Variants in RNGTT observed in about 807,000 individuals in gnomAD.
The protein encoded by RNGTT is mRNA-capping enzyme.
A neutral mutation model predicts 79.3 loss-of-function variants in RNGTT; 33 were observed. The observed-to-expected ratio is 0.42, with a 90% CI of 0.32 to 0.56. The LOEUF (loss-of-function observed/expected upper bound fraction) is 0.56. Ranked by LOEUF, RNGTT falls within the 20% of genes least tolerant of loss-of-function variation. The pLI is 0.17. For missense variants in RNGTT, 497 were observed against 739.1 expected (o/e 0.67, Z 3.80); for synonymous variants, 222 against 235.9 (o/e 0.94, Z 0.54).
intron 10 of RNGTT, among the ~76,000 whole-genome samples, chr6:88,847,086 G>A (rs947835211): frequency 6.6e-6 from 1 of 151,972 alleles, no homozygotes; most frequent in Non-Finnish European, 1.5e-5. Flanking sequence ...TTAAAAATGT[G>A]TATACATACA....
intron 13 of RNGTT, among the ~76,000 whole-genome samples, chr6:88,733,480 G>C (rs996558197): frequency 2.0e-5 from 3 of 148,796 alleles, no homozygotes; most frequent in African/African-American, 7.4e-5. Flanking sequence ...AATGTAACTA[G>C]AATACCAAAA....
chr6:88,818,968 T>A (rs565305662), intron 11 of RNGTT, among the ~76,000 whole-genome samples: 5 of 152,224 alleles, frequency 3.3e-5, no homozygotes, highest in African/African-American at 1.2e-4. Context: ...GGTAAAATTA[T>A]ATCCACATCA....
At chr6:88,651,459 T>A (rs922763568) in intron 14 of RNGTT, among the ~76,000 whole-genome samples, 2 of 152,154 alleles carry the variant, frequency 1.3e-5, no homozygotes, top group African/African-American at 4.8e-5. Context: ...CTGCTGGGCA[T>A]ATAATACTCA....
At chr6:88,945,471 G>A (rs1784977787) in intron 1 of RNGTT, among the ~76,000 whole-genome samples, 1 of 152,166 alleles carries the variant, frequency 6.6e-6, no homozygotes, top group Non-Finnish European at 1.5e-5. Context: ...ACTCTTGTTA[G>A]TTTCAATCAC....
chr6:88,903,154 T>C (rs1783531156), intron 6 of RNGTT, among the ~76,000 whole-genome samples: 1 of 152,222 alleles, frequency 6.6e-6, no homozygotes, highest in Non-Finnish European at 1.5e-5. Flanking sequence ...ATCTAATCTT[T>C]ACATGAAATG....
intron 11 of RNGTT, among the ~76,000 whole-genome samples, chr6:88,832,293 T>C (rs766383417): frequency 5.3e-5 from 8 of 152,310 alleles, no homozygotes; most frequent in Middle Eastern, 3.4e-3. Flanking sequence ...GCCACACATC[T>C]ACAACCATCT....
At chr6:88,686,261 T>C (rs539274550) in intron 13 of RNGTT, among the ~76,000 whole-genome samples, 1 of 151,970 alleles carries the variant, frequency 6.6e-6, no homozygotes, top group South Asian at 2.1e-4. Flanking sequence ...TATCAAACAT[T>C]ATTGCAAGAA....
intron 14 of RNGTT, among the ~76,000 whole-genome samples, chr6:88,640,644 C>G (rs1263212564): frequency 6.6e-6 from 1 of 150,844 alleles, no homozygotes; most frequent in Non-Finnish European, 1.5e-5. Flanking sequence ...CAGTAGGCAG[C>G]TGAAGATTCA....
chr6:88,790,520 G>C (rs1779373533), intron 12 of RNGTT, among the ~76,000 whole-genome samples: 1 of 152,104 alleles, frequency 6.6e-6, no homozygotes, highest in African/African-American at 2.4e-5. Context: ...TCTACTCCAA[G>C]AATAGTAAGA....
chr6:88,824,355 T>C (rs1347782675), intron 11 of RNGTT, among the ~76,000 whole-genome samples: 1 of 152,230 alleles, frequency 6.6e-6, no homozygotes, highest in East Asian at 1.9e-4. Flanking sequence ...TAAGTATTTA[T>C]GTATAAAAGA....
chr6:88,763,105 T>G (rs1582430591), intron 13 of RNGTT, among the ~76,000 whole-genome samples: 22 of 127,682 alleles, frequency 1.7e-4, no homozygotes, highest in South Asian at 2.8e-4. Flanking sequence ...TTTTTTTTTT[T>G]TTTTTTTTGT....
At chr6:88,675,701 A>G (rs1387855662) in intron 14 of RNGTT, among the ~76,000 whole-genome samples, 1 of 110,142 alleles carries the variant, frequency 9.1e-6, no homozygotes, top group East Asian at 2.0e-4. Flanking sequence ...CCAATACATG[A>G]AAAGAAAAAA....
rs955784520 is a variant in RNGTT, at chr6:88,635,483, C to T, written c.1507-21088G>A. ...CCCTCAATGCACATATATACAATTG[C>T]CCTTACAGTCAAAATATGACAGATT... On this transcript the variant is annotated intron_variant, in intron 14 of 15. Transcript: ENST00000369485. 4.6e-5 allele frequency among the ~76,000 whole-genome samples: 7 copies of T among 152,096 alleles called. No homozygotes were observed. In the South Asian group the frequency reaches 1.5e-3, roughly 32 times the overall value.
intron 1 of RNGTT, among the ~76,000 whole-genome samples, chr6:88,954,010 A>G (rs1474183879): frequency 2.0e-5 from 3 of 152,204 alleles, no homozygotes; most frequent in African/African-American, 7.2e-5. Context: ...CTCAAAATAC[A>G]CCAAAATAGA....
intron 13 of RNGTT, among the ~76,000 whole-genome samples, chr6:88,756,418 A>G (rs1291426068): frequency 1.3e-5 from 2 of 152,176 alleles, no homozygotes; most frequent in African/African-American, 2.4e-5. Flanking sequence ...GGTTGCAGTG[A>G]GCCAAGATCA....
rs899549518 is a variant in RNGTT at position 88,610,758 on chromosome 6, C to T, written c.*1961G>A. On this transcript the variant is annotated 3_prime_UTR_variant, in exon 16 of 16. Transcript: ENST00000369485. ...TGTATTAAAAGTGAGATGCTCTTTTCACGTAACTCATTTGAAAGGTTACAA... is the reference window on the plus strand; with the variant it reads ...TGTATTAAAAGTGAGATGCTCTTTTTACGTAACTCATTTGAAAGGTTACAA... 1 of 152,206 alleles carries T rather than the reference C, an allele frequency of 6.6e-6. No homozygotes were observed. The highest frequency in any genetic ancestry group is 2.4e-5 in the African/African-American group (1 of 41,452). The allele number at this position is 152,206 out of a possible 1,614,324, so 9.4% of individuals were successfully genotyped here.
At chr6:88,773,806 C>T (rs1411428662) in intron 12 of RNGTT, among the ~76,000 whole-genome samples, 1 of 152,040 alleles carries the variant, frequency 6.6e-6, no homozygotes, top group African/African-American at 2.4e-5. Flanking sequence ...ATACCATATA[C>T]AAAGATTAAC....
At chr6:88,743,190 A>C (rs1777553571) in intron 13 of RNGTT, among the ~76,000 whole-genome samples, 1 of 152,178 alleles carries the variant, frequency 6.6e-6, no homozygotes, top group Admixed American at 6.5e-5. Flanking sequence ...AAAAGGAGTA[A>C]GTTTTGGAGT....
intron 13 of RNGTT, among the ~76,000 whole-genome samples, chr6:88,723,946 A>G (rs1776795651): frequency 6.6e-6 from 1 of 152,248 alleles, no homozygotes; most frequent in South Asian, 2.1e-4. Context: ...GCTGGTCTCA[A>G]GCTCCTGGCC....
Sources: gnomAD v4.1 joint callset for allele counts (sites outside exome capture counted in the v4.1 genomes callset) on GRCh38, gnomAD v4.1.1 for gene constraint, MANE v1.5 for transcripts, NCBI Gene and HGNC (gene_info 2026-07-23, HGNC 2026-07-21) for gene names.